GSG1L: variants seen among roughly 807,000 people sequenced by gnomAD.
The protein encoded by GSG1L is GSG1 like, also known as germ cell-specific gene 1-like protein.
In GSG1L, 24 loss-of-function variants were observed where a neutral mutation model predicts 42.1. The ratio of observed to expected loss-of-function variants is 0.57; its 90% confidence interval spans 0.41 to 0.80. The LOEUF (loss-of-function observed/expected upper bound fraction) is 0.80, where lower values mean the gene tolerates loss of function less well. GSG1L is among the 30% of genes least tolerant of loss of function. The pLI is 0.00. For synonymous variants in GSG1L, 215 were observed against 203.5 expected, an observed-to-expected ratio of 1.06 and a Z score of -0.48; for missense variants, 445 against 472.2, an observed-to-expected ratio of 0.94 and a Z score of 0.53.
At chr16:27,881,646 C>A (rs933191281) in intron 3 of GSG1L, among the ~76,000 whole-genome samples, 2 of 152,108 alleles carry the variant, frequency 1.3e-5, no homozygotes, top group African/African-American at 4.8e-5. Context: ...GTCTCATCCC[C>A]ACTACTGTGA....
At chr16:27,899,185 T>C (rs2084227352) in intron 2 of GSG1L, among the ~76,000 whole-genome samples, 1 of 152,230 alleles carries the variant, frequency 6.6e-6, no homozygotes, top group South Asian at 2.1e-4. Context: ...CATCTGTGAA[T>C]ATGATCTGGG....
intron 4 of GSG1L, among the ~76,000 whole-genome samples, chr16:27,841,731 G>A (rs2083383627): frequency 1.3e-5 from 2 of 152,274 alleles, no homozygotes; most frequent in East Asian, 3.9e-4. Context: ...ATTGGGCCCC[G>A]GCCTTTAATA....
At chr16:27,828,658 G>C in intron 5 of GSG1L, 131 bp downstream of exon 5, 2 of 811,552 alleles carry the variant, frequency 2.5e-6, no homozygotes, top group South Asian at 3.8e-5. Context: ...GCCTTCTTCT[G>C]CCTCCCCCCT....
At chr16:27,799,052 AG>A (rs1861402660) in intron 6 of GSG1L, among the ~76,000 whole-genome samples, 1 of 152,164 alleles carries the variant, frequency 6.6e-6, no homozygotes, top group South Asian at 2.1e-4. Flanking sequence ...CAGTGAATGC[AG>A]CAACAAGGTC....
At position 27,850,023 on chromosome 16, in the gene GSG1L, C is replaced by CTTTTTTTTTTTTTT. The variant is rs57543425; in HGVS notation, c.551-4976_551-4963dup. ...TTTGTGCCATATTCATTTGAAATGC[C>CTTTTTTTTTTTTTT]TTTTTTTTTTTTTTTTTTTTTTGAG... On this transcript the variant is annotated intron_variant, in intron 3 of 6. Transcript: ENST00000447459. Among the ~76,000 whole-genome samples the CTTTTTTTTTTTTTT allele has an allele frequency of 4.9e-4, 34 of 70,076 alleles. 2 individuals carry two copies. The highest frequency in any genetic ancestry group is 1.1e-3 in the Admixed American group (5 of 4,390). The allele number at this position is 70,076 out of a possible 152,430, so 46.0% of individuals were successfully genotyped here.
rs774106273 is a variant in GSG1L, at chr16:27,884,631, C to G, written c.405G>C (p.Leu135=). The G allele has an allele frequency of 1.9e-6, 3 of 1,583,796 alleles. No homozygotes were observed. The highest frequency in any genetic ancestry group is 2.6e-6 in the Non-Finnish European group (3 of 1,164,722). Residue 135 remains leucine (L), a synonymous_variant, in exon 3 of 7, where the codon CTG becomes CTC. Coordinates refer to ENST00000447459, the MANE Select transcript of GSG1L (RefSeq NM_001109763.2). This position sits in a 1 kb window ranked among gnomAD's most constrained non-coding sequence, Gnocchi z 4.4. ...DLAPASEKGV[L]WLSVVSEVLY... Reference sequence around the variant, plus strand: ...GCACCTCGGAGACCACAGACAGCCACAGGACCCCTGTCCAACAGAGGCAGA... The same window carrying G: ...GCACCTCGGAGACCACAGACAGCCAGAGGACCCCTGTCCAACAGAGGCAGA...
intron 5 of GSG1L, among the ~76,000 whole-genome samples, chr16:27,822,477 C>T (rs1035985357): frequency 3.3e-4 from 50 of 152,120 alleles, no homozygotes; most frequent in African/African-American, 1.2e-3. Flanking sequence ...AGAGCAGCGG[C>T]GCCATCATAG....
intron 1 of GSG1L, among the ~76,000 whole-genome samples, chr16:28,046,597 G>A (rs1277787332): frequency 6.6e-6 from 1 of 151,874 alleles, no homozygotes; most frequent in Non-Finnish European, 1.5e-5. Flanking sequence ...CTCATGATCC[G>A]CCTGCCTTGG....
At chr16:27,889,977 T>C (rs887366611) in intron 2 of GSG1L, among the ~76,000 whole-genome samples, 3 of 152,232 alleles carry the variant, frequency 2.0e-5, no homozygotes, top group African/African-American at 2.4e-5. Context: ...GCAACTGCTC[T>C]ATACACCTAG....
chr16:27,894,697 A>G (rs561596842), intron 2 of GSG1L, among the ~76,000 whole-genome samples: 1 of 152,176 alleles, frequency 6.6e-6, no homozygotes. Flanking sequence ...TGGGAGGAAA[A>G]GGCCAGAGGC....
intron 1 of GSG1L, among the ~76,000 whole-genome samples, chr16:28,007,274 A>T (rs2085652396): frequency 6.6e-6 from 1 of 152,152 alleles, no homozygotes; most frequent in South Asian, 2.1e-4. Flanking sequence ...AAAAAAGATG[A>T]TATGATGGTA....
At chr16:27,971,700 T>C (rs1412961624) in intron 1 of GSG1L, among the ~76,000 whole-genome samples, 1 of 152,124 alleles carries the variant, frequency 6.6e-6, no homozygotes, top group Non-Finnish European at 1.5e-5. Context: ...GTGGTAAGAG[T>C]GGACATCCTC....
chr16:27,962,842 G>A (rs2085085263), intron 2 of GSG1L, among the ~76,000 whole-genome samples: 1 of 152,142 alleles, frequency 6.6e-6, no homozygotes, highest in African/African-American at 2.4e-5. Flanking sequence ...CACCAGTCTT[G>A]CCTGAACCAA....
At chr16:27,873,380 T>C (rs2083846973) in intron 3 of GSG1L, among the ~76,000 whole-genome samples, 1 of 152,210 alleles carries the variant, frequency 6.6e-6, no homozygotes, top group African/African-American at 2.4e-5. Context: ...GATTTGATTA[T>C]AGGGATCTGC....
At chr16:27,995,866 G>T (rs1020438406) in intron 1 of GSG1L, among the ~76,000 whole-genome samples, 10 of 148,476 alleles carry the variant, frequency 6.7e-5, no homozygotes, top group African/African-American at 2.5e-4. Context: ...GTCTTAGGAA[G>T]TTCCTGTACT....
Position 27,845,080 on chromosome 16 carries a change from A to T in GSG1L, c.551-19T>A. ...AGGAGGCCTGTGGGGCAGAGAGCAG[A>T]GCAAAGCGTCAGGAAGTAAGGAAGG... is the stretch of plus-strand genomic sequence containing the variant. On this transcript the variant is annotated intron_variant, in intron 3 of 6. Transcript: ENST00000447459. The T allele has an allele frequency of 6.4e-7, 1 of 1,564,174 alleles. No homozygotes were observed. Among genetic ancestry groups the T allele is most frequent in the Non-Finnish European group, 8.8e-7 (1 of 1,137,012 alleles).
rs770027360 is a variant in GSG1L, at chr16:28,063,187, C to A, written c.238G>T (p.Gly80Cys). ...CTGTAGAGCGCGCCGCCAGGGGGGC[C>A]GTTCCCCGAGGCGGTGGCGGCGGCG... ...AAAAATASGN[G>C]PPGGALYSWE... is the part of the protein sequence containing the mutation. Residue 80 changes from glycine to cysteine, a missense_variant, in exon 1 of 7, where the codon GGC becomes TGC. Transcript: ENST00000447459. The surrounding 1 kb of genome is among the most constrained non-coding windows in gnomAD (Gnocchi z 5.8). 3.0e-6 allele frequency: 4 copies of A among 1,315,272 alleles called. No homozygotes were observed. The highest frequency in any genetic ancestry group is 4.2e-5 in the South Asian group (2 of 47,244). 81.5% of individuals were successfully genotyped at this position (1,315,272 alleles called of 1,614,324 possible).
chr16:27,807,404 G>T, intron 6 of GSG1L, 83 bp downstream of exon 6: 3 of 1,142,612 alleles, frequency 2.6e-6, no homozygotes, highest in Non-Finnish European at 2.6e-6. Flanking sequence ...GGTGGGGGCT[G>T]GCCTGACTCT....
At chr16:27,948,210 G>A (rs958780859) in intron 2 of GSG1L, among the ~76,000 whole-genome samples, 2 of 152,090 alleles carry the variant, frequency 1.3e-5, no homozygotes, top group Non-Finnish European at 2.9e-5. Flanking sequence ...CACTTAAAAC[G>A]CACATGATCT....
Sources: allele counts gnomAD v4.1 joint callset (sites outside exome capture counted in the v4.1 genomes callset), GRCh38; gene constraint gnomAD v4.1.1; non-coding constraint Gnocchi (gnomAD v3.1); transcripts MANE v1.5; gene names NCBI Gene and HGNC (gene_info 2026-07-23, HGNC 2026-07-21).